Variants in ARHGEF28 observed in about 807,000 individuals in gnomAD.
ARHGEF28 encodes 190 kDa guanine nucleotide exchange factor.
Under a neutral mutation model 206.6 loss-of-function variants are expected in ARHGEF28, and 152 were observed. The ratio of observed to expected loss-of-function variants is 0.74; its 90% CI spans 0.64 to 0.84. ARHGEF28 has a LOEUF of 0.84. Ranked by LOEUF, ARHGEF28 falls within the 40% of genes least tolerant of loss-of-function variation. The pLI, the probability that ARHGEF28 is intolerant of heterozygous loss-of-function variation, is 0.00. For missense variants in ARHGEF28, 2,028 were observed against 2,073.2 expected (o/e 0.98, Z 0.42); for synonymous variants, 763 against 776.4 (o/e 0.98, Z 0.29).
intron 35 of ARHGEF28, among the ~76,000 whole-genome samples, chr5:73,914,979 G>A (rs577048931): frequency 2.6e-5 from 4 of 152,034 alleles, no homozygotes; most frequent in Non-Finnish European, 5.9e-5. Flanking sequence ...GGACTGAAGC[G>A]ATTGGCTGTT....
At chr5:73,673,247 A>G (rs565752231) in intron 1 of ARHGEF28, among the ~76,000 whole-genome samples, 66 of 152,326 alleles carry the variant, frequency 4.3e-4, no homozygotes, top group Admixed American at 2.3e-3. Flanking sequence ...TTTTCCAGTT[A>G]GTATAACAGT....
At chr5:73,686,598 A>G (rs1344142395) in intron 2 of ARHGEF28, among the ~76,000 whole-genome samples, 1 of 149,888 alleles carries the variant, frequency 6.7e-6, no homozygotes, top group Non-Finnish European at 1.5e-5. Flanking sequence ...GGCTCACTGC[A>G]AGCTCCGTCT....
chr5:73,904,522 G>A (rs1224622037), intron 33 of ARHGEF28, 117 bp downstream of exon 33: 1 of 1,133,860 alleles, frequency 8.8e-7, no homozygotes, highest in Admixed American at 2.8e-5. Context: ...GATCTTAAAA[G>A]AATGACAACC....
chr5:73,687,767 C>A (rs1194503544), intron 2 of ARHGEF28, among the ~76,000 whole-genome samples: 12 of 151,582 alleles, frequency 7.9e-5, no homozygotes, highest in South Asian at 4.2e-4. Flanking sequence ...AGAAAGAGAC[C>A]CAGCAAAAAG....
chr5:73,672,959 G>T (rs1180357510), intron 1 of ARHGEF28, among the ~76,000 whole-genome samples: 1 of 152,158 alleles, frequency 6.6e-6, no homozygotes, highest in Non-Finnish European at 1.5e-5. Flanking sequence ...CCATTAGTTT[G>T]AATTAATGAG....
In ARHGEF28 at chr5:73,870,112, C is replaced by A. The variant is rs1313104191; in HGVS notation, c.2469C>A (p.Ala823=). The change falls in exon 21 of 36, where the codon GCC becomes GCA. Residue 823 remains alanine (A), a synonymous_variant. Coordinates refer to ENST00000513042, the MANE Select transcript of ARHGEF28 (RefSeq NM_001177693.2). ...TGTGGAGTGACCTCAGCAGTGATGC[C>A]CAGGAGTTTGAAGCAGAATCTTGGA... The part of the protein sequence containing the change: ...SSLWSDLSSD[A]QEFEAESWSL... 1.9e-6 allele frequency: 3 copies of A among 1,613,728 alleles called. No homozygotes were observed. The highest frequency in any genetic ancestry group is 2.2e-5 in the East Asian group (1 of 44,864).
At chr5:73,652,488 G>A (rs1010339786) in intron 1 of ARHGEF28, among the ~76,000 whole-genome samples, 1 of 152,120 alleles carries the variant, frequency 6.6e-6, no homozygotes, top group African/African-American at 2.4e-5. Context: ...CACATTTGGG[G>A]GAGCAGAAGG....
At chr5:73,878,098 C>CA (rs1760650400) in intron 22 of ARHGEF28, among the ~76,000 whole-genome samples, 1 of 152,070 alleles carries the variant, frequency 6.6e-6, no homozygotes, top group Non-Finnish European at 1.5e-5. Flanking sequence ...CTTTATGAAT[C>CA]TGGGTGCTCC....
At chr5:73,726,602 G>T (rs1197595135) in intron 2 of ARHGEF28, among the ~76,000 whole-genome samples, 1 of 152,228 alleles carries the variant, frequency 6.6e-6, no homozygotes, top group African/African-American at 2.4e-5. Context: ...TAAGCACAGT[G>T]TAAGTTGCTA....
At chr5:73,887,536 G>T (rs1761376522) in intron 25 of ARHGEF28, 67 bp from the exon 26 acceptor site, 1 of 1,252,080 alleles carries the variant, frequency 8.0e-7, no homozygotes, top group South Asian at 1.5e-5. Context: ...TTAGTCTTTT[G>T]ATTTTTATTC....
intron 9 of ARHGEF28, 155 bp downstream of exon 9, chr5:73,795,546 A>G: frequency 1.5e-6 from 1 of 649,206 alleles, no homozygotes; most frequent in Non-Finnish European, 2.7e-6. Flanking sequence ...TTGTAGGATC[A>G]TTTGTAATAC....
At chr5:73,817,669 A>T (rs1283442399) in intron 9 of ARHGEF28, among the ~76,000 whole-genome samples, 1 of 152,194 alleles carries the variant, frequency 6.6e-6, no homozygotes, top group African/African-American at 2.4e-5. Context: ...TGTCATCTTC[A>T]TTTATTAGTT....
intron 35 of ARHGEF28, among the ~76,000 whole-genome samples, chr5:73,935,396 G>T (rs934641014): frequency 6.6e-6 from 1 of 152,140 alleles, no homozygotes; most frequent in African/African-American, 2.4e-5. Context: ...CTCCAGACTG[G>T]TTGTCATGCC....
intron 24 of ARHGEF28, among the ~76,000 whole-genome samples, chr5:73,885,278 A>C (rs1761198664): frequency 6.6e-6 from 1 of 151,994 alleles, no homozygotes; most frequent in African/African-American, 2.4e-5. Flanking sequence ...AGGTGGAAGG[A>C]AGGCCTAAGT....
chr5:73,839,646 G>A lies in ARHGEF28; in HGVS notation c.1147-834G>A, dbSNP rs78422000. 6.5e-3 allele frequency among the ~76,000 whole-genome samples: 985 copies of A among 152,206 alleles called. 9 individuals carry two copies. The highest frequency in any genetic ancestry group is 0.022 in the African/African-American group (923 of 41,518). ...AAGTCTTAGGCCCTCCAGAAGTTCC[G>A]TCCTTTCTCTGCCATTCAGAGTTTC... On this transcript the variant is annotated intron_variant, in intron 10 of 35. Coordinates refer to ENST00000513042, the MANE Select transcript of ARHGEF28 (RefSeq NM_001177693.2).
At chr5:73,929,862 A>G (rs1764009002) in intron 35 of ARHGEF28, among the ~76,000 whole-genome samples, 1 of 152,224 alleles carries the variant, frequency 6.6e-6, no homozygotes, top group African/African-American at 2.4e-5. Context: ...TAAAAACAAA[A>G]TATCATAATT....
Position 73,883,751 on chromosome 5 carries a change from G to T in ARHGEF28, c.2938-16G>T, listed in dbSNP as rs1488113063. On this transcript the variant is annotated splice_polypyrimidine_tract_variant and intron_variant, in intron 23 of 35. Coordinates refer to ENST00000513042, the MANE Select transcript of ARHGEF28 (RefSeq NM_001177693.2). ...ACAGGTAGAATTTGTGTACATAAAA[G>T]TATATATTTTTTAAGCTCCGAAATA... is the stretch of plus-strand genomic sequence containing the variant. The T allele has an allele frequency of 1.8e-5, 27 of 1,494,032 alleles. No individual in the cohort carries two copies. Among genetic ancestry groups the T allele is most frequent in the Non-Finnish European group, 2.4e-5 (26 of 1,104,636 alleles). 92.5% of individuals were successfully genotyped at this position (1,494,032 alleles called of 1,614,324 possible). A position where few individuals can be genotyped will look rare whatever the true frequency, so the allele number is the denominator to read the frequency against.
chr5:73,754,520 A>C (rs1752198164), intron 4 of ARHGEF28, among the ~76,000 whole-genome samples: 3 of 152,140 alleles, frequency 2.0e-5, no homozygotes, highest in Admixed American at 6.5e-5. Flanking sequence ...GGAGATATGA[A>C]ATATAAGGGG....
At chr5:73,635,111 A>G (rs1743612548) in intron 1 of ARHGEF28, among the ~76,000 whole-genome samples, 1 of 152,152 alleles carries the variant, frequency 6.6e-6, no homozygotes, top group Admixed American at 6.5e-5. Flanking sequence ...TGGGAGCCCG[A>G]GGCAGGTGGA....
Sources: gnomAD v4.1 joint callset for allele counts (sites outside exome capture counted in the v4.1 genomes callset) on GRCh38, gnomAD v4.1.1 for gene constraint, MANE v1.5 for transcripts, NCBI Gene and HGNC (gene_info 2026-07-23, HGNC 2026-07-21) for gene names.